VWA3B: variants seen among roughly 807,000 people sequenced by gnomAD.
VWA3B encodes von Willebrand factor A domain-containing protein 3B.
In VWA3B, 138 loss-of-function variants were observed where a neutral mutation model predicts 158.3. The ratio of observed to expected loss-of-function variants is 0.87; its 90% CI spans 0.76 to 1.00. VWA3B has a LOEUF of 1.00. Ranked by LOEUF, VWA3B falls within the 50% of genes least tolerant of loss-of-function variation. VWA3B has a pLI of 0.00. For missense variants in VWA3B, 1,555 were observed against 1,565.1 expected (o/e 0.99, Z 0.11); for synonymous variants, 596 against 587.3 (o/e 1.01, Z -0.21).
intron 3 of VWA3B, among the ~76,000 whole-genome samples, chr2:98,116,766 A>G (rs1674569908): frequency 6.6e-6 from 1 of 152,192 alleles, no homozygotes; most frequent in Non-Finnish European, 1.5e-5. Context: ...TGGGCCTCCC[A>G]TCTGCCTTGG....
chr2:98,197,048 C>T (rs4851927), intron 12 of VWA3B, among the ~76,000 whole-genome samples: 86,306 of 151,914 alleles, frequency 0.57, 25,161 homozygotes, highest in Middle Eastern at 0.71. Flanking sequence ...CTTTTATGTT[C>T]CAAGATCCAG....
At chr2:98,145,572 C>T (rs374699343) in intron 7 of VWA3B, among the ~76,000 whole-genome samples, 1 of 152,192 alleles carries the variant, frequency 6.6e-6, no homozygotes, top group East Asian at 1.9e-4. Context: ...CAGTCTTCTA[C>T]ATCTATTATT....
In VWA3B at chr2:98,219,993, C is replaced by T. The variant is rs562880249; in HGVS notation, c.2019+1965C>T. Among the ~76,000 whole-genome samples the T allele has an allele frequency of 8.6e-5, 13 of 151,796 alleles. No homozygotes were observed. The East Asian group carries it at 2.3e-3, about 27-fold the overall frequency. On this transcript the variant is annotated intron_variant, in intron 14 of 27. Coordinates refer to ENST00000477737, the MANE Select transcript of VWA3B (RefSeq NM_144992.5). ...GCCTGAGCGACACGGCAAGACCCCACCTCTACAAAAAATATAAAAAGTAGC... is the reference window on the plus strand; with the variant it reads ...GCCTGAGCGACACGGCAAGACCCCATCTCTACAAAAAATATAAAAAGTAGC...
At chr2:98,303,644 A>G (rs1271267911) in intron 25 of VWA3B, 58 bp from the exon 26 acceptor site, 5 of 1,495,260 alleles carry the variant, frequency 3.3e-6, no homozygotes, top group African/African-American at 2.8e-5. Context: ...ATAAAATTGT[A>G]TCTGAATTGT....
rs75891546 is a variant in VWA3B at position 98,242,559 on chromosome 2, A to G, written c.2673+5829A>G. ...CACCCATCATCATTGTCGTTATCAT[A>G]ATGTCTTTTACAGCATCCCATCAAG... On this transcript the variant is annotated intron_variant, in intron 19 of 27. Coordinates refer to ENST00000477737, the MANE Select transcript of VWA3B (RefSeq NM_144992.5). Among the ~76,000 whole-genome samples, 16 of 151,706 alleles carry G rather than the reference A, an allele frequency of 1.1e-4. No individual in the cohort carries two copies. The East Asian group carries it at 2.9e-3, about 28-fold the overall frequency.
intron 1 of VWA3B, among the ~76,000 whole-genome samples, chr2:98,092,173 A>G (rs1682345193): frequency 6.6e-6 from 1 of 152,206 alleles, no homozygotes; most frequent in African/African-American, 2.4e-5. Context: ...ACCAGCTCCC[A>G]ATTAGCCACT....
At chr2:98,234,253 T>A (rs916000992) in intron 16 of VWA3B, among the ~76,000 whole-genome samples, 2 of 152,186 alleles carry the variant, frequency 1.3e-5, no homozygotes, top group Middle Eastern at 3.2e-3. Context: ...TCAGACAGAT[T>A]TGAACCACAA....
intron 21 of VWA3B, among the ~76,000 whole-genome samples, chr2:98,269,918 T>C (rs1282731291): frequency 6.6e-6 from 1 of 152,244 alleles, no homozygotes; most frequent in Admixed American, 6.5e-5. Flanking sequence ...TAGACTGTTC[T>C]CTTCCAAAAT....
intron 5 of VWA3B, among the ~76,000 whole-genome samples, chr2:98,126,440 C>G (rs184040841): frequency 3.2e-4 from 49 of 152,282 alleles, no homozygotes; most frequent in African/African-American, 1.2e-3. Flanking sequence ...TAGATCCTTG[C>G]AACAGGATGA....
At chr2:98,218,983 G>A (rs1286677158) in intron 14 of VWA3B, among the ~76,000 whole-genome samples, 1 of 152,118 alleles carries the variant, frequency 6.6e-6, no homozygotes, top group Non-Finnish European at 1.5e-5. Context: ...CTTCCACCTA[G>A]GAAATCTTAA....
chr2:98,285,901 C>A (rs1419124935), intron 22 of VWA3B, among the ~76,000 whole-genome samples: 2 of 152,044 alleles, frequency 1.3e-5, no homozygotes, highest in Non-Finnish European at 2.9e-5. Context: ...TCAAGTCTTC[C>A]AATCCATGAA....
At chr2:98,132,272 GC>G (rs1164867718) in intron 6 of VWA3B, among the ~76,000 whole-genome samples, 1 of 152,228 alleles carries the variant, frequency 6.6e-6, no homozygotes, top group African/African-American at 2.4e-5. Context: ...CACGAGTAGT[GC>G]CCCTGCCTTC....
chr2:98,214,657 C>T (rs1477833090), intron 13 of VWA3B, among the ~76,000 whole-genome samples: 1 of 152,174 alleles, frequency 6.6e-6, no homozygotes, highest in Non-Finnish European at 1.5e-5. Context: ...CTTTATTCGT[C>T]AAACAGTATA....
At chr2:98,110,060 A>T (rs1423493152) in intron 2 of VWA3B, among the ~76,000 whole-genome samples, 1 of 150,282 alleles carries the variant, frequency 6.7e-6, no homozygotes, top group Non-Finnish European at 1.5e-5. Flanking sequence ...GAGAATTTTC[A>T]ACCCTTATGT....
At chr2:98,323,085 C>T in the VWA3B span, among the ~76,000 whole-genome samples, 1 of 152,080 alleles carries the variant, frequency 6.6e-6, no homozygotes, top group African/African-American at 2.4e-5. Flanking sequence ...AGTAGGCATG[C>T]AAAGAAACAG....
chr2:98,286,711 TG>T (rs1440418669), intron 22 of VWA3B, among the ~76,000 whole-genome samples: 1 of 152,188 alleles, frequency 6.6e-6, no homozygotes, highest in African/African-American at 2.4e-5. Context: ...TCTACATTCA[TG>T]GGGAATATAG....
chr2:98,253,386 T>G (rs1396945824), intron 20 of VWA3B, among the ~76,000 whole-genome samples: 1 of 152,188 alleles, frequency 6.6e-6, no homozygotes, highest in African/African-American at 2.4e-5. Context: ...AAACTTGTTA[T>G]TGGGGTCACA....
At chr2:98,112,302 GGGTGTGT>G (rs1674200742) in intron 2 of VWA3B, among the ~76,000 whole-genome samples, 2 of 148,372 alleles carry the variant, frequency 1.3e-5, no homozygotes, top group African/African-American at 2.5e-5. Flanking sequence ...GTGTGTGTGT[GGGTGTGT>G]GTGTGTGTGT....
At chr2:98,134,505 A>C (rs1395711313) in intron 7 of VWA3B, among the ~76,000 whole-genome samples, 1 of 152,188 alleles carries the variant, frequency 6.6e-6, no homozygotes, top group Non-Finnish European at 1.5e-5. Context: ...TGATTCAGAA[A>C]AACAGTGGAA....
Sources: gnomAD v4.1 joint callset for allele counts (sites outside exome capture counted in the v4.1 genomes callset) on GRCh38, gnomAD v4.1.1 for gene constraint, MANE v1.5 for transcripts, NCBI Gene and HGNC (gene_info 2026-07-23, HGNC 2026-07-21) for gene names.